GPC3: variants seen among roughly 807,000 people sequenced by gnomAD.
GPC3 encodes the protein glypican 3.
In GPC3, 3 loss-of-function variants were observed where a neutral mutation model predicts 34.4. The observed-to-expected ratio is 0.09, with a 90% confidence interval of 0.04 to 0.23. The LOEUF is 0.23. GPC3 is among the 10% of genes least tolerant of loss of function. The pLI is 1.00. For missense variants in GPC3, 351 were observed against 445.6 expected, an observed-to-expected ratio of 0.79 and a Z score of 1.91; for synonymous variants, 177 against 174.0, an observed-to-expected ratio of 1.02 and a Z score of -0.13.
At chrX:133,763,262 A>G (rs1317235656) in intron 2 of GPC3, 5 of 555,232 alleles carry the variant, frequency 9.0e-6, no homozygotes, top group Admixed American at 6.7e-5. Context: ...CCTCTGTGCT[A>G]TGTGAACATT....
At chrX:133,624,517 G>A (rs1264643721) in intron 6 of GPC3, among the ~76,000 whole-genome samples, 4 of 111,518 alleles carry the variant, frequency 3.6e-5, no homozygotes, top group African/African-American at 1.3e-4. Flanking sequence ...TACCATCAGA[G>A]GATACTATAA....
chrX:133,642,068 T>A (rs2070486915), intron 6 of GPC3, among the ~76,000 whole-genome samples: 3 of 107,128 alleles, frequency 2.8e-5, no homozygotes, highest in Admixed American at 2.0e-4. Flanking sequence ...AAACCTAGTT[T>A]GGGGTTCCAT....
chrX:133,985,437 C>T lies in GPC3; in HGVS notation c.13G>A (p.Val5Met). The T allele has an allele frequency of 1.7e-6, 2 of 1,171,302 alleles. No individual in the cohort carries two copies. The highest frequency in any genetic ancestry group is 1.1e-6 in the Non-Finnish European group (1 of 875,320). ...GCCACCACCAAGCACGCGGTGCGCA[C>T]GGTCCCGGCCATCCTGCTTCGCAGG... is the stretch of plus-strand genomic sequence containing the variant. MAGT[V>M]RTACLVVAML... The change falls in exon 1 of 8, where the codon GTG becomes ATG. Residue 5 changes from valine to methionine, a missense_variant. Coordinates refer to ENST00000370818, the MANE Select transcript of GPC3 (RefSeq NM_004484.4).
At chrX:133,573,261 C>T (rs906473393) in intron 7 of GPC3, among the ~76,000 whole-genome samples, 3 of 111,886 alleles carry the variant, frequency 2.7e-5, no homozygotes, top group Non-Finnish European at 5.7e-5. Context: ...TCCCTCAGCC[C>T]AATACAGGGC....
rs1048793393 is a variant in GPC3, at chrX:133,754,100, A to G, written c.414T>C (p.Thr138=). 3.1e-5 allele frequency: 37 copies of G among 1,205,008 alleles called. No individual in the cohort carries two copies. Among genetic ancestry groups the G allele is most frequent in the African/African-American group, 5.3e-5 (3 of 56,228 alleles). The change falls in exon 3 of 8, where the codon ACT becomes ACC. Residue 138 remains threonine (T), a synonymous_variant. Coordinates refer to ENST00000370818, the MANE Select transcript of GPC3 (RefSeq NM_004484.4). ...CACCCACAAACTCAAAAGCTTGTGG[A>G]GTCAGGCTTGGGTAGTTGTTCTTGA... ...AMFKNNYPSL[T]PQAFEFVGEF...
chrX:133,673,543 A>T (rs1357136833), intron 5 of GPC3, among the ~76,000 whole-genome samples: 3 of 112,425 alleles, frequency 2.7e-5, no homozygotes, highest in African/African-American at 9.7e-5. Flanking sequence ...GTTGTAAGAG[A>T]TTAAGTTCGG....
chrX:133,715,221 C>T (rs945330944), intron 3 of GPC3, among the ~76,000 whole-genome samples: 2 of 112,101 alleles, frequency 1.8e-5, no homozygotes, highest in East Asian at 2.8e-4. Context: ...TGCCCTTGAA[C>T]ATCAGACTCC....
intron 7 of GPC3, among the ~76,000 whole-genome samples, chrX:133,569,979 C>T (rs1413849519): frequency 1.8e-5 from 2 of 109,099 alleles, no homozygotes; most frequent in Non-Finnish European, 3.8e-5. Flanking sequence ...GCAACCTCCA[C>T]CTCCTGGGTT....
intron 3 of GPC3, among the ~76,000 whole-genome samples, chrX:133,719,625 T>G (rs1014088194): frequency 3.7e-5 from 4 of 108,564 alleles, no homozygotes; most frequent in African/African-American, 1.3e-4. Context: ...ACTTAAAGTA[T>G]AATAAAAAAA....
At chrX:133,811,511 T>G (rs748682020) in intron 2 of GPC3, among the ~76,000 whole-genome samples, 47 of 111,650 alleles carry the variant, frequency 4.2e-4, no homozygotes, top group Non-Finnish European at 8.3e-4. Context: ...TCAGAATAAT[T>G]GCACAGGAAA....
chrX:133,838,760 G>A (rs2075810374), intron 2 of GPC3, among the ~76,000 whole-genome samples: 1 of 111,716 alleles, frequency 9.0e-6, no homozygotes, highest in Non-Finnish European at 1.9e-5. Flanking sequence ...AGTGCTAAAG[G>A]CCATAATCAC....
chrX:133,915,286 G>C (rs1317263101), intron 2 of GPC3, among the ~76,000 whole-genome samples: 1 of 110,044 alleles, frequency 9.1e-6, no homozygotes, highest in Non-Finnish European at 1.9e-5. Flanking sequence ...CAATTCTCCT[G>C]CCTCACCCTC....
intron 2 of GPC3, among the ~76,000 whole-genome samples, chrX:133,897,205 CTTT>C (rs760491025): frequency 7.3e-5 from 6 of 82,651 alleles, no homozygotes; most frequent in African/African-American, 2.1e-4. Context: ...CGTGCCCGGC[CTTT>C]TTTTTTTTTT....
rs1282213093 is a variant in GPC3, at chrX:133,850,189, G to GTTTTTTTT, written c.338-96014_338-96013insAAAAAAAA. ...GGTATTTTTTTTGTTTGTTTTTTGGGTTTTGTTTTTTTTTTTTTTTTTTTG... is the reference window on the plus strand; with the variant it reads ...GGTATTTTTTTTGTTTGTTTTTTGGGTTTTTTTTTTTTGTTTTTTTTTTTTTTTTTTTG... On this transcript the variant is annotated intron_variant, in intron 2 of 7. Transcript: ENST00000370818. 3.0e-4 allele frequency among the ~76,000 whole-genome samples: 22 copies of GTTTTTTTT among 72,645 alleles called. 1 individual carries two copies. Among genetic ancestry groups the GTTTTTTTT allele is most frequent in the African/African-American group, 1.4e-3 (19 of 13,133 alleles). The allele number at this position is 72,645 out of a possible 115,157, so 63.1% of individuals were successfully genotyped here.
intron 2 of GPC3, among the ~76,000 whole-genome samples, chrX:133,810,889 C>T (rs2075661769): frequency 9.5e-6 from 1 of 105,676 alleles, no homozygotes; most frequent in Non-Finnish European, 1.9e-5. Flanking sequence ...AAGAAAGAGG[C>T]CTGGCCTAGA....
intron 6 of GPC3, among the ~76,000 whole-genome samples, chrX:133,640,047 A>G (rs756684907): frequency 3.5e-4 from 39 of 111,575 alleles, no homozygotes; most frequent in African/African-American, 1.2e-3. Context: ...TAAATTGCCT[A>G]AAGTTCTTCT....
chrX:133,604,232 T>C (rs757747180), intron 6 of GPC3, among the ~76,000 whole-genome samples: 1 of 111,580 alleles, frequency 9.0e-6, no homozygotes, highest in South Asian at 3.8e-4. Flanking sequence ...CCAGAACTCT[T>C]CAAAAGAAAC....
intron 3 of GPC3, among the ~76,000 whole-genome samples, chrX:133,717,406 G>A (rs1373989354): frequency 9.0e-6 from 1 of 111,429 alleles, no homozygotes; most frequent in African/African-American, 3.3e-5. Context: ...AAATCCACAA[G>A]CAGACAGCCC....
At chrX:133,971,868 T>C (rs1347367995) in intron 1 of GPC3, among the ~76,000 whole-genome samples, 1 of 111,575 alleles carries the variant, frequency 9.0e-6, no homozygotes, top group Non-Finnish European at 1.9e-5. Context: ...CTATGAAATG[T>C]TGAGGAGCTT....
Sources: allele counts gnomAD v4.1 joint callset (sites outside exome capture counted in the v4.1 genomes callset), GRCh38; gene constraint gnomAD v4.1.1; transcripts MANE v1.5; gene names NCBI Gene and HGNC (gene_info 2026-07-23, HGNC 2026-07-21).